The following KLC3 variants were observed in gnomAD, a reference collection of about 807,000 sequenced individuals.
KLC3 encodes the protein kinesin light chain 3, also known as kinesin light chain 2.
A neutral mutation model predicts 62.9 loss-of-function variants in KLC3; 72 were observed. That is an observed-to-expected ratio of 1.15 (90% CI 0.95 to 1.39). The LOEUF (loss-of-function observed/expected upper bound fraction) is 1.39. Among genes scored for constraint, KLC3 ranks in the 40% most tolerant of loss-of-function variants. The probability of loss-of-function intolerance (pLI) is 0.00; values close to 1 mark genes in which losing one functional copy is unlikely to be tolerated. For missense variants in KLC3, 848 were observed against 691.6 expected, an observed-to-expected ratio of 1.23 and a Z score of -2.54; for synonymous variants, 377 against 300.5, an observed-to-expected ratio of 1.25 and a Z score of -2.63.
chr19:45,347,921 G>GCCCCCCCCCC lies in KLC3; in HGVS notation c.560-17_560-16insCCCCCCCCCC. On this transcript the variant is annotated intron_variant, in intron 4 of 12. Transcript: ENST00000391946. ...GGCAGGAGGCTTGCAGTGACCCAGA[G>GCCCCCCCCCC]CCCACCCCACCCCACCTAGGTCCTG... 6.3e-7 allele frequency: 1 copy of GCCCCCCCCCC among 1,575,116 alleles called. No individual in the cohort carries two copies. The highest frequency in any genetic ancestry group is 1.3e-5 in the African/African-American group (1 of 74,192).
Position 45,351,268 on chromosome 19 carries a change from C to G in KLC3, c.1444-18C>G. On this transcript the variant is annotated intron_variant, in intron 12 of 12. Transcript: ENST00000391946. ...GCCCCTCACCTCCCCTCCAACCATC[C>G]CCTGTGCCTGTCTCCAGTTTCCCAG... 1.2e-6 allele frequency: 2 copies of G among 1,611,492 alleles called. No homozygotes were observed. The highest frequency in any genetic ancestry group is 1.3e-5 in the African/African-American group (1 of 74,974).
rs560366651 is a variant in KLC3 at position 45,351,510 on chromosome 19, G to C, written c.*153G>C. 176 of 1,483,468 alleles carry C rather than the reference G, an allele frequency of 1.2e-4. 1 individual carries two copies. The highest frequency in any genetic ancestry group is 1.5e-4 in the Non-Finnish European group (159 of 1,082,482). 91.9% of individuals were successfully genotyped at this position (1,483,468 alleles called of 1,614,324 possible). A position where few individuals can be genotyped will look rare whatever the true frequency, so the allele number is the denominator to read the frequency against. On this transcript the variant is annotated 3_prime_UTR_variant, in exon 13 of 13. Coordinates refer to ENST00000391946, the MANE Select transcript of KLC3 (RefSeq NM_177417.3). ...TCTCCTGCGATTAAAGGCTGTGGAC[G>C]TGACAGTGAGAAATGTCACCTGACT...
intron 1 of KLC3, among the ~76,000 whole-genome samples, chr19:45,341,442 CATGTGTGTGGCT>C (rs1971391871): frequency 6.6e-6 from 1 of 151,598 alleles, no homozygotes. Flanking sequence ...GCCTGATGTG[CATGTGTGTGGCT>C]GTGTGTGTGG....
intron 10 of KLC3, 26 bp from the exon 11 acceptor site, chr19:45,350,615 G>C (rs1368757993): frequency 2.5e-6 from 4 of 1,613,364 alleles, no homozygotes; most frequent in Non-Finnish European, 3.4e-6. Flanking sequence ...CTGGGGGACT[G>C]AGCAGCATCC....
Position 45,346,579 on chromosome 19 carries a change from G to A in KLC3, c.294G>A (p.Leu98=), listed in dbSNP as rs769234584. Reference sequence around the variant, plus strand: ...CCCTGTCGGCACATGTGGGTGCACTGGAGGCAGAGAAGCAGCGGCTGCGCT... The same window carrying A: ...CCCTGTCGGCACATGTGGGTGCACTAGAGGCAGAGAAGCAGCGGCTGCGCT... ...LLALSAHVGA[L]EAEKQRLRSQ... Residue 98 remains leucine, a synonymous_variant, in exon 3 of 13, where the codon CTG becomes CTA. Transcript: ENST00000391946. 29 of 1,547,846 alleles carry A rather than the reference G, an allele frequency of 1.9e-5. No individual in the cohort carries two copies. Among genetic ancestry groups the A allele is most frequent in the South Asian group, 4.8e-5 (4 of 83,886 alleles).
intron 8 of KLC3, 80 bp from the exon 9 acceptor site, chr19:45,350,261 A>T: frequency 9.3e-6 from 2 of 215,936 alleles, no homozygotes; most frequent in Non-Finnish European, 1.2e-5. Flanking sequence ...TGTCTCTACA[A>T]AAAAAAAAAA....
Position 45,351,507 on chromosome 19 carries a change from G to A in KLC3, c.*150G>A. ...CCTTCTCCTGCGATTAAAGGCTGTGGACGTGACAGTGAGAAATGTCACCTG... is the reference window on the plus strand; with the variant it reads ...CCTTCTCCTGCGATTAAAGGCTGTGAACGTGACAGTGAGAAATGTCACCTG... On this transcript the variant is annotated 3_prime_UTR_variant, in exon 13 of 13. Coordinates refer to ENST00000391946, the MANE Select transcript of KLC3 (RefSeq NM_177417.3). The A allele has an allele frequency of 6.3e-7, 1 of 1,598,114 alleles. No homozygotes were observed. The highest frequency in any genetic ancestry group is 8.5e-7 in the Non-Finnish European group (1 of 1,177,264).
At position 45,350,397 on chromosome 19, in the gene KLC3, A is replaced by C. The variant is rs186055996; in HGVS notation, c.1200A>C (p.Glu400Asp). ...KYQQAEELYK[E>D]ILHKEDLPAP... ...AACAAGCGGAAGAGCTGTACAAAGA[A>C]ATCCTCCACAAGGAGGACCTACCCG... The change falls in exon 9 of 13, where the codon GAA becomes GAC. Residue 400 changes from glutamate to aspartate, a missense_variant. Physicochemically the swap from Glu to Asp is conservative, Grantham distance 45. Transcript: ENST00000391946. 51 of 1,613,586 alleles carry C rather than the reference A, an allele frequency of 3.2e-5. No individual in the cohort carries two copies. In the East Asian group the frequency reaches 1.1e-3, roughly 35 times the overall value.
At chr19:45,349,871 C>G (rs1971632451) in intron 8 of KLC3, 1 of 491,562 alleles carries the variant, frequency 2.0e-6, no homozygotes, top group Non-Finnish European at 3.6e-6. Context: ...CTCACTGTGG[C>G]CGGCTCCCCT....
rs1971601455 is a variant in KLC3 at position 45,349,415 on chromosome 19, C to T, written c.970-14C>T. 3 of 1,593,940 alleles carry T rather than the reference C, an allele frequency of 1.9e-6. No individual in the cohort carries two copies. The highest frequency in any genetic ancestry group is 2.6e-6 in the Non-Finnish European group (3 of 1,167,908). ...CCTGTATGATCCCTCTGACTTGTGA[C>T]CCCTGGCCCCCAGGTCCTGGGTGCT... On this transcript the variant is annotated splice_polypyrimidine_tract_variant and intron_variant, in intron 7 of 12. Transcript: ENST00000391946.
chr19:45,340,975 T>TG (rs1419312080), intron 1 of KLC3, 129 bp downstream of exon 1: 8 of 152,244 alleles, frequency 5.3e-5, no homozygotes, highest in African/African-American at 1.9e-4. Context: ...TGCCCCGTCC[T>TG]GGGGCTCTCC....
intron 2 of KLC3, 50 bp downstream of exon 2, chr19:45,345,849 G>C: frequency 6.6e-7 from 1 of 1,504,248 alleles, no homozygotes; most frequent in Admixed American, 2.1e-5. Context: ...TGAGGGCGGA[G>C]GGAGGGCCAG....
intron 4 of KLC3, 143 bp from the exon 5 acceptor site, chr19:45,347,798 T>C (rs1290883679): frequency 4.1e-6 from 3 of 723,068 alleles, no homozygotes; most frequent in Non-Finnish European, 7.0e-6. Flanking sequence ...TGCTAGTGAC[T>C]CCTATCTCAG....
chr19:45,342,984 G>A (rs761426636), intron 1 of KLC3, among the ~76,000 whole-genome samples: 4 of 152,166 alleles, frequency 2.6e-5, no homozygotes, highest in African/African-American at 4.8e-5. Context: ...GCGAGAACGT[G>A]GCATCCCTCC....
At chr19:45,348,507 C>A (rs775682886) in intron 5 of KLC3, 139 bp from the exon 6 acceptor site, 20 of 790,266 alleles carry the variant, frequency 2.5e-5, no homozygotes, top group Non-Finnish European at 3.9e-5. Flanking sequence ...GAGGGGCCCA[C>A]AAAAGGCCCT....
chr19:45,347,763 G>A (rs1971539133), intron 4 of KLC3, among the ~76,000 whole-genome samples, 178 bp from the exon 5 acceptor site: 2 of 152,186 alleles, frequency 1.3e-5, no homozygotes, highest in Non-Finnish European at 1.5e-5. Context: ...CCCGAGGCCA[G>A]GATGCATCCC....
rs374551534 is a variant in KLC3, at chr19:45,343,539, T to C, written c.-8-1995T>C. Among the ~76,000 whole-genome samples, 280 of 152,258 alleles carry C rather than the reference T, an allele frequency of 1.8e-3. 1 individual carries two copies. Among genetic ancestry groups the C allele is most frequent in the African/African-American group, 6.1e-3 (254 of 41,542 alleles). On this transcript the variant is annotated intron_variant, in intron 1 of 12. Transcript: ENST00000391946. ...TAGTAGAGCCGGGGTTTCACCATGT[T>C]GGCCAGGCCAGTCTCAAACTCCTGA...
chr19:45,351,327 C>T lies in KLC3; in HGVS notation c.1485C>T (p.Ser495=), dbSNP rs373906614. 1.0e-4 allele frequency: 161 copies of T among 1,611,998 alleles called. No homozygotes were observed. The highest frequency in any genetic ancestry group is 4.9e-4 in the Middle Eastern group (3 of 6,082). ...WHLDKAPRTL[S]ASTQDLSPH ...TGGACAAGGCCCCTCGGACCCTCAGCGCCAGCACCCAGGACCTGAGCCCCC... is the reference window on the plus strand; with the variant it reads ...TGGACAAGGCCCCTCGGACCCTCAGTGCCAGCACCCAGGACCTGAGCCCCC... Residue 495 remains serine (S), a synonymous_variant, in exon 13 of 13, where the codon AGC becomes AGT. Transcript: ENST00000391946.
Position 45,350,722 on chromosome 19 carries a change from G to A in KLC3, c.1354G>A (p.Gly452Ser). 3 of 1,613,084 alleles carry A rather than the reference G, an allele frequency of 1.9e-6. No homozygotes were observed. Among genetic ancestry groups the A allele is most frequent in the Non-Finnish European group, 8.5e-7 (1 of 1,179,722 alleles). Residue 452 changes from glycine (G) to serine (S), a missense_variant, in exon 11 of 13, where the codon GGC becomes AGC. Coordinates refer to ENST00000391946, the MANE Select transcript of KLC3 (RefSeq NM_177417.3). ...GSEKLVSRLR[G>S]EAAAGAAGMK... ...TGAGAAGCTGGTCTCCCGGCTCCGA[G>A]GCGAGGCGGCGGCAGGAGCAGCCGG...
Sources: gnomAD v4.1 joint callset for allele counts (sites outside exome capture counted in the v4.1 genomes callset) on GRCh38, gnomAD v4.1.1 for gene constraint, MANE v1.5 for transcripts, NCBI Gene and HGNC (gene_info 2026-07-23, HGNC 2026-07-21) for gene names.